The following HTR4 variants were observed in gnomAD, a reference collection of about 807,000 sequenced individuals.
HTR4 encodes 5-hydroxytryptamine (serotonin) receptor 4, G protein-coupled.
A neutral mutation model predicts 36.8 loss-of-function variants in HTR4; 16 were observed. That is an observed-to-expected ratio of 0.43 (90% CI 0.29 to 0.66). The LOEUF is 0.66. HTR4 is among the 30% of genes least tolerant of loss of function. The pLI, the probability that HTR4 is intolerant of heterozygous loss-of-function variation, is 0.13. For missense variants in HTR4, 438 were observed against 490.9 expected (o/e 0.89, Z 1.02); for synonymous variants, 189 against 185.1 (o/e 1.02, Z -0.17).
chr5:148,521,392 T>C (rs1038670042), intron 5 of HTR4, among the ~76,000 whole-genome samples: 3 of 152,218 alleles, frequency 2.0e-5, no homozygotes, highest in African/African-American at 7.2e-5. Context: ...GTGAACCTCA[T>C]GCAATCCATT....
intron 5 of HTR4, among the ~76,000 whole-genome samples, chr5:148,462,507 G>T (rs1291131457): frequency 1.3e-5 from 2 of 151,878 alleles, no homozygotes; most frequent in African/African-American, 2.4e-5. Flanking sequence ...ATATATTAAA[G>T]AAATTGAATA....
chr5:148,476,960 GC>G (rs1755717567), downstream of HTR4, among the ~76,000 whole-genome samples: 1 of 152,180 alleles, frequency 6.6e-6, no homozygotes, highest in Non-Finnish European at 1.5e-5. Context: ...GGAAAGAACG[GC>G]AGGAGTAGTA....
chr5:148,577,324 C>G (rs772145078), intron 2 of HTR4, among the ~76,000 whole-genome samples: 13 of 152,022 alleles, frequency 8.6e-5, no homozygotes, highest in Non-Finnish European at 1.3e-4. Flanking sequence ...ATAACAGAGG[C>G]TGGTGAGGTT....
At chr5:148,647,682 C>T (rs1163480312) in intron 1 of HTR4, among the ~76,000 whole-genome samples, 1 of 152,164 alleles carries the variant, frequency 6.6e-6, no homozygotes, top group Non-Finnish European at 1.5e-5. Flanking sequence ...AATCCTGTCT[C>T]TACTAAAAGT....
intron 2 of HTR4, among the ~76,000 whole-genome samples, chr5:148,566,980 C>T (rs1760469766): frequency 6.6e-6 from 1 of 151,178 alleles, no homozygotes; most frequent in Admixed American, 6.6e-5. Context: ...TTTCAAAATG[C>T]ATTGCCTATG....
At chr5:148,451,383 G>T (rs1754970213) in intron 5 of HTR4, 2 of 1,551,624 alleles carry the variant, frequency 1.3e-6, no homozygotes, top group African/African-American at 1.4e-5. Context: ...ACTTCTGAGG[G>T]TATGGTGAAG....
At chr5:148,463,061 A>G (rs903645370) in intron 5 of HTR4, among the ~76,000 whole-genome samples, 1 of 152,080 alleles carries the variant, frequency 6.6e-6, no homozygotes, top group Non-Finnish European at 1.5e-5. Flanking sequence ...AACCAGGCTT[A>G]ATGGTGAGAA....
At chr5:148,534,284 C>T (rs1758708544) in intron 4 of HTR4, among the ~76,000 whole-genome samples, 1 of 152,182 alleles carries the variant, frequency 6.6e-6, no homozygotes, top group Non-Finnish European at 1.5e-5. Context: ...GGGCAGGCTG[C>T]CATCTTTGCT....
In HTR4 at chr5:148,525,136, C is replaced by CA. The variant is rs537066001; in HGVS notation, c.354-1791dup. 8.5e-5 allele frequency among the ~76,000 whole-genome samples: 13 copies of CA among 152,256 alleles called. No homozygotes were observed. The East Asian group carries it at 2.5e-3, about 29-fold the overall frequency. ...CTCCATTATAATTCTGACATGGCTG[C>CA]AAAATCAAACTAAAGATAACTCAGT... On this transcript the variant is annotated intron_variant, in intron 4 of 6. Coordinates refer to ENST00000377888, the MANE Select transcript of HTR4 (RefSeq NM_000870.7).
At chr5:148,575,403 T>C (rs1487488573) in intron 2 of HTR4, among the ~76,000 whole-genome samples, 1 of 152,076 alleles carries the variant, frequency 6.6e-6, no homozygotes, top group Non-Finnish European at 1.5e-5. Context: ...CATGAACACA[T>C]TCTTATTGTT....
At chr5:148,510,882 G>A (rs961900865) in intron 5 of HTR4, among the ~76,000 whole-genome samples, 1 of 152,204 alleles carries the variant, frequency 6.6e-6, no homozygotes, top group Non-Finnish European at 1.5e-5. Context: ...GGGCTTGGGG[G>A]AAAGAAAGGG....
At chr5:148,597,203 T>A (rs1463150042) in intron 2 of HTR4, among the ~76,000 whole-genome samples, 1 of 152,220 alleles carries the variant, frequency 6.6e-6, no homozygotes, top group Admixed American at 6.5e-5. Context: ...TGGTTATTAT[T>A]CATGGCCCCA....
chr5:148,639,151 A>G (rs1753646820), intron 1 of HTR4, among the ~76,000 whole-genome samples: 1 of 151,882 alleles, frequency 6.6e-6, no homozygotes, highest in African/African-American at 2.4e-5. Flanking sequence ...CAAGCCACCA[A>G]TTTCTTTCTC....
intron 6 of HTR4, among the ~76,000 whole-genome samples, chr5:148,501,835 G>A (rs1756947385): frequency 6.6e-6 from 1 of 152,046 alleles, no homozygotes; most frequent in South Asian, 2.1e-4. Flanking sequence ...TGAGGTGGGT[G>A]GATCACAGGG....
chr5:148,613,482 C>G (rs1207081616), intron 2 of HTR4, among the ~76,000 whole-genome samples: 21 of 151,378 alleles, frequency 1.4e-4, no homozygotes, highest in Non-Finnish European at 2.2e-4. Flanking sequence ...ATTCAACAAC[C>G]CTTCATGCTA....
rs140505894 is a variant in HTR4 at position 148,574,660 on chromosome 5, T to C, written c.27-24398A>G. Among the ~76,000 whole-genome samples the C allele has an allele frequency of 1.9e-3, 292 of 152,152 alleles. 6 individuals are homozygous for C. The East Asian group carries it at 0.031, about 16-fold the overall frequency. The stretch of plus-strand genomic sequence containing the variant: ...AATGGATGTGTGACAAAAACTGACT[T>C]CTTAATCTTTCAAAGCTGACCTCAT... On this transcript the variant is annotated intron_variant, in intron 2 of 6. Transcript: ENST00000377888.
intron 5 of HTR4, among the ~76,000 whole-genome samples, chr5:148,471,093 C>T (rs2113703940): frequency 6.6e-6 from 1 of 152,320 alleles, no homozygotes; most frequent in East Asian, 1.9e-4. Context: ...GATCTGAATC[C>T]AGTTTTGCTT....
At chr5:148,516,312 C>A (rs1343604182) in intron 5 of HTR4, among the ~76,000 whole-genome samples, 1 of 76,478 alleles carries the variant, frequency 1.3e-5, no homozygotes, top group Non-Finnish European at 2.4e-5. Context: ...ATTCCCCCCT[C>A]TTTTTTTTTT....
intron 1 of HTR4, chr5:148,646,021 T>G (rs1010227725): frequency 6.6e-6 from 1 of 152,250 alleles, no homozygotes; most frequent in African/African-American, 2.4e-5. Context: ...AACTAGTATT[T>G]TGAATCTTAC....
Sources: gnomAD v4.1 joint callset for allele counts (sites outside exome capture counted in the v4.1 genomes callset) on GRCh38, gnomAD v4.1.1 for gene constraint, MANE v1.5 for transcripts, NCBI Gene and HGNC (gene_info 2026-07-23, HGNC 2026-07-21) for gene names.